Variants in POU2F3 observed in about 807,000 individuals in gnomAD.
POU2F3 encodes the protein POU class 2 homeobox 3.
Under a neutral mutation model 59.2 loss-of-function variants are expected in POU2F3, and 23 were observed. That is an observed-to-expected ratio of 0.39 (90% CI 0.28 to 0.55). The LOEUF (loss-of-function observed/expected upper bound fraction) is 0.55, where lower values mean the gene tolerates loss of function less well. Among genes scored for constraint, POU2F3 ranks in the 20% least tolerant of loss-of-function variants. The probability of loss-of-function intolerance (pLI) is 0.66; values close to 1 mark genes in which losing one functional copy is unlikely to be tolerated. For missense variants in POU2F3, 473 were observed against 544.5 expected, an observed-to-expected ratio of 0.87 and a Z score of 1.31; for synonymous variants, 190 against 214.6, an observed-to-expected ratio of 0.89 and a Z score of 1.00.
At chr11:120,238,597 G>A (rs756919054), upstream of POU2F3, among the ~76,000 whole-genome samples, 3 of 152,058 alleles carry the variant, frequency 2.0e-5, no homozygotes, top group Non-Finnish European at 4.4e-5. Context: ...AGCACTTTGG[G>A]AGGCTGAGGC....
At chr11:120,277,653 A>G (rs1276173029) in intron 3 of POU2F3, among the ~76,000 whole-genome samples, 1 of 152,064 alleles carries the variant, frequency 6.6e-6, no homozygotes, top group African/African-American at 2.4e-5. Context: ...GCAGTGGCTT[A>G]TGCCTGTAGA....
chr11:120,311,272 T>G (rs1047055749), intron 10 of POU2F3, among the ~76,000 whole-genome samples: 1 of 152,180 alleles, frequency 6.6e-6, no homozygotes, highest in Non-Finnish European at 1.5e-5. Flanking sequence ...TTTCTCTTTT[T>G]TGAATGATCA....
At position 120,304,952 on chromosome 11, in the gene POU2F3, A is replaced by T. The variant is rs1476149884; in HGVS notation, c.445-78A>T. 17 of 929,990 alleles carry T rather than the reference A, an allele frequency of 1.8e-5. No homozygotes were observed. The East Asian group carries it at 1.6e-3, about 85-fold the overall frequency. The allele number at this position is 929,990 out of a possible 1,614,324, so 57.6% of individuals were successfully genotyped here. ...AAGTGGGCCTATTAGTAAAAAAAAAAAAAAAAAAAAAAAAAAAAATCAGAA... is the reference window on the plus strand; with the variant it reads ...AAGTGGGCCTATTAGTAAAAAAAAATAAAAAAAAAAAAAAAAAAATCAGAA... On this transcript the variant is annotated intron_variant, in intron 6 of 12. Coordinates refer to ENST00000543440, the MANE Select transcript of POU2F3 (RefSeq NM_014352.4).
chr11:120,265,673 T>C (rs1171659225), intron 2 of POU2F3, among the ~76,000 whole-genome samples: 3 of 152,216 alleles, frequency 2.0e-5, no homozygotes, highest in African/African-American at 4.8e-5. Flanking sequence ...TGGGTCTCAC[T>C]AACAACATCA....
intron 8 of POU2F3, among the ~76,000 whole-genome samples, chr11:120,307,094 T>TA (rs1941514531): frequency 6.6e-6 from 1 of 152,238 alleles, no homozygotes; most frequent in Non-Finnish European, 1.5e-5. Flanking sequence ...GGCATATCTG[T>TA]AAACAGCAGC....
chr11:120,266,399 T>A (rs1939827572), intron 2 of POU2F3, among the ~76,000 whole-genome samples: 1 of 152,068 alleles, frequency 6.6e-6, no homozygotes, highest in Non-Finnish European at 1.5e-5. Flanking sequence ...TCCTCTTCTC[T>A]TACCCCTGCA....
chr11:120,302,369 G>A lies in POU2F3; in HGVS notation c.444+1G>A, dbSNP rs762869057. 1 of 1,592,456 alleles carries A rather than the reference G, an allele frequency of 6.3e-7. No homozygotes were observed. On this transcript the variant is annotated splice_donor_variant, in intron 6 of 12. Coordinates refer to ENST00000543440, the MANE Select transcript of POU2F3 (RefSeq NM_014352.4). LOFTEE classifies it high-confidence loss of function. ...GACTGGGCCGGGACTGGCATCCCAG[G>A]TAAACAACCCCATTCTTCCTGTTTC...
intron 2 of POU2F3, among the ~76,000 whole-genome samples, chr11:120,267,653 T>C (rs1187382082): frequency 6.6e-6 from 1 of 150,826 alleles, no homozygotes; most frequent in Non-Finnish European, 1.5e-5. Context: ...AAACAGGGAA[T>C]TCTCTTAGAC....
intron 1 of POU2F3, among the ~76,000 whole-genome samples, chr11:120,243,257 C>T (rs936827375): frequency 3.9e-5 from 6 of 152,076 alleles, no homozygotes; most frequent in Admixed American, 2.0e-4. Context: ...AGGGAGCTCC[C>T]GTCCTTCCAA....
chr11:120,270,323 G>C (rs2135198012), intron 3 of POU2F3, among the ~76,000 whole-genome samples: 1 of 152,180 alleles, frequency 6.6e-6, no homozygotes, highest in Admixed American at 6.5e-5. Context: ...GAGGGAGAGG[G>C]ACAGACTTAC....
At chr11:120,238,785 G>T (rs1275029674), upstream of POU2F3, among the ~76,000 whole-genome samples, 1 of 126,118 alleles carries the variant, frequency 7.9e-6, no homozygotes, top group African/African-American at 3.1e-5. Context: ...AGCCGAGATT[G>T]CACCACTGCA....
At chr11:120,278,832 C>T (rs961070524) in intron 3 of POU2F3, among the ~76,000 whole-genome samples, 2 of 152,132 alleles carry the variant, frequency 1.3e-5, no homozygotes, top group Admixed American at 6.5e-5. Flanking sequence ...TTGATGGGTG[C>T]AGCAAACCAT....
At chr11:120,251,920 G>A (rs570326573) in intron 2 of POU2F3, among the ~76,000 whole-genome samples, 3 of 147,312 alleles carry the variant, frequency 2.0e-5, no homozygotes, top group African/African-American at 5.0e-5. Flanking sequence ...TCAGCCTCCC[G>A]AATAGCTGGG....
At chr11:120,299,602 A>T (rs188930512) in intron 4 of POU2F3, 22 bp from the exon 5 acceptor site, 2 of 1,604,536 alleles carry the variant, frequency 1.2e-6, no homozygotes, top group Non-Finnish European at 1.7e-6. Context: ...TCTGTGGTGT[A>T]TGTGTATCTC....
intron 3 of POU2F3, among the ~76,000 whole-genome samples, chr11:120,276,332 G>A (rs1239014402): frequency 1.3e-5 from 2 of 152,186 alleles, no homozygotes; most frequent in African/African-American, 4.8e-5. Flanking sequence ...GAAGATGTAG[G>A]GTCTGCCGCA....
intron 2 of POU2F3, among the ~76,000 whole-genome samples, chr11:120,252,310 G>C (rs565862579): frequency 6.7e-6 from 1 of 149,650 alleles, no homozygotes; most frequent in South Asian, 2.1e-4. Context: ...AGGTTTAAGC[G>C]ATTCTCCTGC....
chr11:120,294,344 G>A (rs1941124687), intron 3 of POU2F3, among the ~76,000 whole-genome samples: 1 of 152,182 alleles, frequency 6.6e-6, no homozygotes. Flanking sequence ...ACGTCTCCAG[G>A]GATGCGTCCG....
chr11:120,308,311 C>T (rs916233995), intron 9 of POU2F3, among the ~76,000 whole-genome samples: 6 of 152,216 alleles, frequency 3.9e-5, no homozygotes, highest in Admixed American at 1.3e-4. Flanking sequence ...CCTCCAGAGC[C>T]GCCATGGGTA....
intron 9 of POU2F3, 82 bp downstream of exon 9, chr11:120,307,697 C>G: frequency 6.4e-7 from 1 of 1,555,610 alleles, no homozygotes; most frequent in Non-Finnish European, 8.8e-7. Flanking sequence ...CCCTTGGCAC[C>G]AGCCCCTCCG....
Sources: gnomAD v4.1 joint callset for allele counts (sites outside exome capture counted in the v4.1 genomes callset) on GRCh38, gnomAD v4.1.1 for gene constraint, MANE v1.5 for transcripts, NCBI Gene and HGNC (gene_info 2026-07-23, HGNC 2026-07-21) for gene names.